SLC5A10: variants seen among roughly 807,000 people sequenced by gnomAD.
SLC5A10 encodes the protein sodium/mannose cotransporter SLC5A10.
In SLC5A10, 55 loss-of-function variants were observed where a neutral mutation model predicts 68.9. The ratio of observed to expected loss-of-function variants is 0.80; its 90% confidence interval spans 0.64 to 1.00. SLC5A10 has a LOEUF of 1.00. Among genes scored for constraint, SLC5A10 ranks in the 50% least tolerant of loss-of-function variants. The probability of loss-of-function intolerance (pLI) is 0.00; values close to 1 mark genes in which losing one functional copy is unlikely to be tolerated. For missense variants in SLC5A10, 732 were observed against 819.3 expected (o/e 0.89, Z 1.30); for synonymous variants, 344 against 344.8 (o/e 1.00, Z 0.02).
At chr17:19,011,947 G>A (rs1200840215) in intron 9 of SLC5A10, among the ~76,000 whole-genome samples, 1 of 151,968 alleles carries the variant, frequency 6.6e-6, no homozygotes, top group Non-Finnish European at 1.5e-5. Flanking sequence ...TACAGAGGGA[G>A]CACCAAGTCA....
intron 9 of SLC5A10, among the ~76,000 whole-genome samples, chr17:18,982,891 C>T (rs935375005): frequency 3.9e-5 from 6 of 152,226 alleles, no homozygotes; most frequent in Non-Finnish European, 7.3e-5. Flanking sequence ...TCAGTTTTCT[C>T]ATCTATGAAA....
At chr17:18,981,181 A>G (rs1475727222) in intron 9 of SLC5A10, among the ~76,000 whole-genome samples, 2 of 152,152 alleles carry the variant, frequency 1.3e-5, no homozygotes, top group African/African-American at 4.8e-5. Context: ...ATCGCAGAGG[A>G]GTAGCCTGAA....
At chr17:18,972,256 G>T (rs930631514) in intron 8 of SLC5A10, among the ~76,000 whole-genome samples, 3 of 152,232 alleles carry the variant, frequency 2.0e-5, no homozygotes, top group Non-Finnish European at 4.4e-5. Context: ...CTGTGAAGCA[G>T]TGGGCACAGG....
At chr17:19,011,261 C>CCTTTGCAATG (rs1278885654) in intron 9 of SLC5A10, among the ~76,000 whole-genome samples, 7 of 152,160 alleles carry the variant, frequency 4.6e-5, no homozygotes, top group African/African-American at 1.7e-4. Flanking sequence ...GAGCACAAGC[C>CCTTTGCAATG]CTTTGCAATG....
chr17:18,978,527 G>C (rs761977884), intron 9 of SLC5A10: 2 of 1,613,328 alleles, frequency 1.2e-6, no homozygotes, highest in Non-Finnish European at 1.7e-6. Flanking sequence ...CTCAGCCAGC[G>C]CTGGGCCTTT....
chr17:18,965,578 G>A (rs1327567359), intron 5 of SLC5A10, among the ~76,000 whole-genome samples: 3 of 152,218 alleles, frequency 2.0e-5, no homozygotes, highest in Non-Finnish European at 2.9e-5. Context: ...GGGAGATGGA[G>A]TGAGGCTCCT....
At chr17:19,005,046 G>A (rs1157880569) in intron 9 of SLC5A10, among the ~76,000 whole-genome samples, 1 of 152,210 alleles carries the variant, frequency 6.6e-6, no homozygotes, top group Non-Finnish European at 1.5e-5. Context: ...TGTGCCCCCA[G>A]GGTCTGTTGG....
chr17:18,970,336 TGGAAGGGAGG>T (rs1405301269), intron 7 of SLC5A10: 1 of 153,326 alleles, frequency 6.5e-6, no homozygotes, highest in Admixed American at 6.5e-5. Flanking sequence ...AGGCCCAGTC[TGGAAGGGAGG>T]GGAGTGACAC....
At position 18,968,436 on chromosome 17, in the gene SLC5A10, C is replaced by G. The variant is rs2042754990; in HGVS notation, c.454-616C>G. ...TGCCAGGCAGAGGTTGGCCTCCAGGCTAGCGCTCCTGCCTTTAGGAGGAGC... is the reference window on the plus strand; with the variant it reads ...TGCCAGGCAGAGGTTGGCCTCCAGGGTAGCGCTCCTGCCTTTAGGAGGAGC... On this transcript the variant is annotated intron_variant, in intron 5 of 14. Transcript: ENST00000395645. The surrounding 1 kb of genome is among the most constrained non-coding windows in gnomAD (Gnocchi z 4.1). Among the ~76,000 whole-genome samples, 1 of 152,226 alleles carries G rather than the reference C, an allele frequency of 6.6e-6. No homozygotes were observed. The highest frequency in any genetic ancestry group is 1.5e-5 in the Non-Finnish European group (1 of 68,026).
chr17:18,992,243 C>T (rs972872623), intron 9 of SLC5A10, among the ~76,000 whole-genome samples: 4 of 152,184 alleles, frequency 2.6e-5, no homozygotes, highest in Admixed American at 2.0e-4. Flanking sequence ...TGTCTCGAAT[C>T]CCCCACCTCC....
chr17:18,980,942 G>C (rs966611338), intron 9 of SLC5A10, among the ~76,000 whole-genome samples: 2 of 152,190 alleles, frequency 1.3e-5, no homozygotes, highest in East Asian at 3.9e-4. Flanking sequence ...GAGGGGCTCT[G>C]TGCCGGCTTC....
chr17:18,963,999 C>G (rs1034012185), intron 5 of SLC5A10, among the ~76,000 whole-genome samples: 1 of 152,232 alleles, frequency 6.6e-6, no homozygotes, highest in Non-Finnish European at 1.5e-5. Context: ...CAGGCATGGT[C>G]CTGCCTCAGG....
At chr17:18,991,701 G>A (rs2043429578) in intron 9 of SLC5A10, among the ~76,000 whole-genome samples, 2 of 152,228 alleles carry the variant, frequency 1.3e-5, no homozygotes, top group East Asian at 3.8e-4. Context: ...CTGCACCCCA[G>A]GTACCGTTGT....
chr17:18,999,051 G>T (rs1378512053), intron 9 of SLC5A10, among the ~76,000 whole-genome samples: 2 of 152,322 alleles, frequency 1.3e-5, no homozygotes, highest in East Asian at 3.9e-4. Flanking sequence ...AGGCAGAGGC[G>T]GGTGGATCAC....
At chr17:18,977,232 T>C (rs1468625714) in intron 9 of SLC5A10, 3 of 611,188 alleles carry the variant, frequency 4.9e-6, no homozygotes, top group Non-Finnish European at 8.5e-6. Flanking sequence ...TGAACGTCCC[T>C]GTGCCCCGCC....
intron 9 of SLC5A10, among the ~76,000 whole-genome samples, chr17:18,998,091 C>T (rs963498647): frequency 6.6e-6 from 1 of 152,246 alleles, no homozygotes; most frequent in African/African-American, 2.4e-5. Context: ...GGCATTTAAC[C>T]TGGCAAGGTA....
At chr17:19,010,205 AG>A (rs2043985088) in intron 9 of SLC5A10, among the ~76,000 whole-genome samples, 1 of 152,146 alleles carries the variant, frequency 6.6e-6, no homozygotes, top group Non-Finnish European at 1.5e-5. Flanking sequence ...GGAGTGGATT[AG>A]GAGGCACAGC....
intron 5 of SLC5A10, among the ~76,000 whole-genome samples, chr17:18,961,331 AGGCTTCTGAAGG>A (rs1440557307): frequency 2.6e-5 from 4 of 152,122 alleles, no homozygotes; most frequent in Admixed American, 2.6e-4. Context: ...ATCCAGCCCC[AGGCTTCTGAAGG>A]GGCTTGAGTC....
intron 9 of SLC5A10, chr17:18,977,547 G>C: frequency 6.3e-7 from 1 of 1,577,122 alleles, no homozygotes; most frequent in Non-Finnish European, 8.6e-7. Context: ...GGCAGGGAGG[G>C]ACTCGTGACC....
Sources: allele counts gnomAD v4.1 joint callset (sites outside exome capture counted in the v4.1 genomes callset), GRCh38; gene constraint gnomAD v4.1.1; non-coding constraint Gnocchi (gnomAD v3.1); transcripts MANE v1.5; gene names NCBI Gene and HGNC (gene_info 2026-07-23, HGNC 2026-07-21).